DOCK4: variants seen among roughly 807,000 people sequenced by gnomAD.
The protein encoded by DOCK4 is dedicator of cytokinesis 4.
Under a neutral mutation model 268.1 loss-of-function variants are expected in DOCK4, and 97 were observed. That is an observed-to-expected ratio of 0.36 (90% confidence interval 0.31 to 0.43). The LOEUF is 0.43. Ranked by LOEUF, DOCK4 falls within the 20% of genes least tolerant of loss-of-function variation. DOCK4 has a pLI of 1.00. For synonymous variants in DOCK4, 954 were observed against 887.2 expected (o/e 1.08, Z -1.34); for missense variants, 2,145 against 2,455.7 (o/e 0.87, Z 2.67).
intron 1 of DOCK4, among the ~76,000 whole-genome samples, chr7:112,205,063 A>C (rs762326830): frequency 7.4e-4 from 112 of 152,204 alleles, no homozygotes; most frequent in Admixed American, 2.1e-3. Context: ...TCTCAACCCT[A>C]AAAGGAGTAA....
intron 23 of DOCK4, among the ~76,000 whole-genome samples, chr7:111,859,599 G>A (rs1377785591): frequency 4.8e-5 from 6 of 125,550 alleles, no homozygotes; most frequent in Admixed American, 9.8e-5. Flanking sequence ...GCGGAGTCTC[G>A]CTCTGTCGCC....
rs1794846885 is a variant in DOCK4 at position 111,728,721 on chromosome 7, C to G, written c.5482-1G>C. On this transcript the variant is annotated splice_acceptor_variant, in intron 52 of 52. Coordinates refer to ENST00000428084, the MANE Select transcript of DOCK4 (RefSeq NM_001363540.2). LOFTEE classifies it high-confidence loss of function. Reference sequence around the variant, plus strand: ...AGGGGGTGAAAGACTGCACAGAGCCCTGCTCCGGGGAGAAGGAAACGAGAG... The same window carrying G: ...AGGGGGTGAAAGACTGCACAGAGCCGTGCTCCGGGGAGAAGGAAACGAGAG... The G allele has an allele frequency of 6.2e-7, 1 of 1,605,094 alleles. No individual in the cohort carries two copies. Among genetic ancestry groups the G allele is most frequent in the Non-Finnish European group, 8.5e-7 (1 of 1,175,160 alleles).
chr7:111,963,713 A>C (rs1156565435), intron 8 of DOCK4, among the ~76,000 whole-genome samples: 1 of 7,776 alleles, frequency 1.3e-4, no homozygotes, highest in Non-Finnish European at 2.3e-4. Flanking sequence ...CCACAGCTCA[A>C]GGAGGCCTGC....
intron 1 of DOCK4, among the ~76,000 whole-genome samples, chr7:112,188,066 T>C (rs1029122136): frequency 6.6e-6 from 1 of 152,246 alleles, no homozygotes; most frequent in African/African-American, 2.4e-5. Context: ...AGAGTGGTTT[T>C]ATACAATATT....
intron 10 of DOCK4, among the ~76,000 whole-genome samples, chr7:111,941,576 G>A (rs988612761): frequency 1.3e-5 from 2 of 151,674 alleles, no homozygotes; most frequent in South Asian, 4.2e-4. Flanking sequence ...AATACAAGAT[G>A]ACAAAAGGAT....
intron 27 of DOCK4, among the ~76,000 whole-genome samples, chr7:111,816,980 A>T (rs192926454): frequency 8.2e-4 from 125 of 152,282 alleles, no homozygotes; most frequent in Middle Eastern, 3.4e-3. Context: ...ATGGGAAAGG[A>T]TTTACACAGA....
At chr7:111,886,231 A>G (rs1391405349) in intron 16 of DOCK4, among the ~76,000 whole-genome samples, 1 of 152,244 alleles carries the variant, frequency 6.6e-6, no homozygotes, top group African/African-American at 2.4e-5. Context: ...ACTCTGTATT[A>G]CCAGTTAATA....
intron 25 of DOCK4, among the ~76,000 whole-genome samples, chr7:111,839,369 C>T (rs532857750): frequency 1.3e-5 from 2 of 152,188 alleles, no homozygotes; most frequent in African/African-American, 4.8e-5. Flanking sequence ...ACATTGTCTC[C>T]ATTACAGCTA....
At chr7:111,883,754 T>C (rs746286716) in intron 16 of DOCK4, among the ~76,000 whole-genome samples, 9 of 152,190 alleles carry the variant, frequency 5.9e-5, no homozygotes, top group Non-Finnish European at 1.0e-4. Flanking sequence ...CAAGCCTTCA[T>C]TCTCACTTCT....
intron 29 of DOCK4, 51 bp downstream of exon 29, chr7:111,809,250 A>C: frequency 7.3e-7 from 1 of 1,364,270 alleles, no homozygotes; most frequent in Non-Finnish European, 1.0e-6. Context: ...ATTTGAACTA[A>C]ATACTCTTTA....
intron 36 of DOCK4, among the ~76,000 whole-genome samples, chr7:111,776,215 C>CCAATTTGATG (rs1391632623): frequency 6.6e-6 from 1 of 152,074 alleles, no homozygotes; most frequent in African/African-American, 2.4e-5. Context: ...GATGCCAACC[C>CCAATTTGATG]CAATTTGATG....
intron 40 of DOCK4, 46 bp from the exon 41 acceptor site, chr7:111,758,836 TG>T: frequency 1.3e-6 from 2 of 1,592,974 alleles, no homozygotes; most frequent in Non-Finnish European, 8.6e-7. Flanking sequence ...GCAAACTCCA[TG>T]GAAGTCTGGC....
At position 111,747,292 on chromosome 7, in the gene DOCK4, T is replaced by C. The variant is rs757588165; in HGVS notation, c.4568A>G (p.Asn1523Ser). Residue 1523 changes from asparagine (N) to serine (S), a missense_variant, in exon 43 of 53, where the codon AAT (asparagine) becomes AGT (serine). Physicochemically the swap from Asn to Ser is conservative, Grantham distance 46. Transcript: ENST00000428084. Reference sequence around the variant, plus strand: ...CTCTTGATACCTGGAAACGCCACCATTAACTGCAGCATCTATAACTCCATT... The same window carrying C: ...CTCTTGATACCTGGAAACGCCACCACTAACTGCAGCATCTATAACTCCATT... ...CLNGVIDAAV[N>S]GGVSRYQEAF... 1 of 1,613,434 alleles carries C rather than the reference T, an allele frequency of 6.2e-7. No individual in the cohort carries two copies. The highest frequency in any genetic ancestry group is 1.1e-5 in the South Asian group (1 of 90,976).
At chr7:111,870,025 G>A (rs1029907568) in intron 20 of DOCK4, among the ~76,000 whole-genome samples, 6 of 152,264 alleles carry the variant, frequency 3.9e-5, no homozygotes, top group Non-Finnish European at 7.4e-5. Context: ...CAGTGACCAC[G>A]TAAACAGCTG....
chr7:111,812,227 GTT>G (rs1011617403), intron 27 of DOCK4, among the ~76,000 whole-genome samples: 1 of 149,458 alleles, frequency 6.7e-6, no homozygotes, highest in South Asian at 2.1e-4. Flanking sequence ...GTTTTGTAAT[GTT>G]TTTTGTTAAT....
chr7:111,783,809 G>A (rs754317154), intron 34 of DOCK4, 48 bp downstream of exon 34: 7 of 1,457,576 alleles, frequency 4.8e-6, no homozygotes, highest in Non-Finnish European at 6.6e-6. Flanking sequence ...TTTTCTAACT[G>A]GAGTTCAGCA....
chr7:111,729,210 G>A (rs1441200872), intron 52 of DOCK4, among the ~76,000 whole-genome samples: 2 of 152,166 alleles, frequency 1.3e-5, no homozygotes, highest in Non-Finnish European at 2.9e-5. Flanking sequence ...ATCTGCGAGG[G>A]CCACCAGTCC....
intron 36 of DOCK4, among the ~76,000 whole-genome samples, chr7:111,769,985 T>A (rs1798018738): frequency 6.6e-6 from 1 of 152,144 alleles, no homozygotes; most frequent in African/African-American, 2.4e-5. Flanking sequence ...TGTGTAAGGA[T>A]ATCATGCTGT....
intron 38 of DOCK4, 55 bp from the exon 39 acceptor site, chr7:111,765,277 A>C: frequency 1.0e-6 from 1 of 967,912 alleles, no homozygotes; most frequent in South Asian, 1.8e-5. Context: ...GGTTCTATCA[A>C]ATTTATAGAA....
Sources: allele counts gnomAD v4.1 joint callset (sites outside exome capture counted in the v4.1 genomes callset), GRCh38; gene constraint gnomAD v4.1.1; transcripts MANE v1.5; gene names NCBI Gene and HGNC (gene_info 2026-07-23, HGNC 2026-07-21).